The following MED13L variants were observed in gnomAD, a reference collection of about 807,000 sequenced individuals.
The protein encoded by MED13L is mediator complex subunit 13L.
A neutral mutation model predicts 220.9 loss-of-function variants in MED13L; 7 were observed. The ratio of observed to expected loss-of-function variants is 0.03; its 90% CI spans 0.02 to 0.06. The LOEUF (loss-of-function observed/expected upper bound fraction) is 0.06, where lower values mean the gene tolerates loss of function less well. MED13L is among the 10% of genes least tolerant of loss of function. MED13L has a pLI of 1.00. For missense variants in MED13L, 1,965 were observed against 2,760.5 expected, an observed-to-expected ratio of 0.71 and a Z score of 6.46; for synonymous variants, 1,011 against 1,015.2, an observed-to-expected ratio of 1.00 and a Z score of 0.08.
intron 5 of MED13L, 78 bp from the exon 6 acceptor site, chr12:116,020,050 AT>A (rs781209855): frequency 4.6e-6 from 6 of 1,296,238 alleles, no homozygotes; most frequent in Non-Finnish European, 5.5e-6. Context: ...ATATGTGGTA[AT>A]TTTAGGTTAC....
At chr12:116,121,393 A>C (rs1875083588) in intron 2 of MED13L, among the ~76,000 whole-genome samples, 1 of 152,228 alleles carries the variant, frequency 6.6e-6, no homozygotes, top group Non-Finnish European at 1.5e-5. Context: ...AAAAAAAGTC[A>C]ATATGGCAAA....
At chr12:116,120,855 T>C (rs145356748) in intron 2 of MED13L, among the ~76,000 whole-genome samples, 1,984 of 152,258 alleles carry the variant, frequency 0.013, 19 homozygotes, top group Non-Finnish European at 0.019. Flanking sequence ...TAATTATGCA[T>C]AATGGGAGAA....
At chr12:116,207,692 A>G (rs1046869519) in intron 2 of MED13L, among the ~76,000 whole-genome samples, 6 of 152,162 alleles carry the variant, frequency 3.9e-5, no homozygotes, top group Non-Finnish European at 8.8e-5. Context: ...ACAGACAGAT[A>G]TAAGAATGAT....
chr12:116,186,488 A>C (rs1393808933), intron 2 of MED13L, among the ~76,000 whole-genome samples: 1 of 152,190 alleles, frequency 6.6e-6, no homozygotes, highest in African/African-American at 2.4e-5. Context: ...TCCAGGAATA[A>C]TTTATTTAGA....
intron 1 of MED13L, among the ~76,000 whole-genome samples, chr12:116,247,663 T>C (rs1871205659): frequency 6.6e-6 from 1 of 151,924 alleles, no homozygotes; most frequent in Non-Finnish European, 1.5e-5. Flanking sequence ...CTCCATACAA[T>C]GAGGTCATAT....
At chr12:116,149,531 C>A (rs1877864088) in intron 2 of MED13L, among the ~76,000 whole-genome samples, 1 of 152,244 alleles carries the variant, frequency 6.6e-6, no homozygotes, top group Non-Finnish European at 1.5e-5. Context: ...TCAGGCTATG[C>A]CCAAAAAGTC....
Position 116,055,473 on chromosome 12 carries a change from A to T in MED13L, c.480-32872T>A, listed in dbSNP as rs954498557. ...AGGAGTCAAAGCACATTCACAAGAG[A>T]AGTTAGTTCTTTAAATGGTACACAA... is the stretch of plus-strand genomic sequence containing the variant. On this transcript the variant is annotated intron_variant, in intron 4 of 30. Transcript: ENST00000281928. 3.3e-5 allele frequency among the ~76,000 whole-genome samples: 5 copies of T among 152,338 alleles called. No individual in the cohort carries two copies. The East Asian group carries it at 9.6e-4, about 29-fold the overall frequency.
At chr12:116,135,679 T>C (rs943435927) in intron 2 of MED13L, among the ~76,000 whole-genome samples, 8 of 152,158 alleles carry the variant, frequency 5.3e-5, no homozygotes, top group African/African-American at 1.7e-4. Flanking sequence ...TAAGACCTAA[T>C]GCTATCAAGG....
intron 2 of MED13L, among the ~76,000 whole-genome samples, chr12:116,150,634 T>G (rs1161357861): frequency 1.3e-5 from 2 of 152,222 alleles, no homozygotes; most frequent in Non-Finnish European, 2.9e-5. Context: ...TATGTTTCTC[T>G]GACCTCCCAC....
At chr12:116,017,017 T>C (rs977877471) in intron 7 of MED13L, among the ~76,000 whole-genome samples, 1 of 152,220 alleles carries the variant, frequency 6.6e-6, no homozygotes, top group Non-Finnish European at 1.5e-5. Flanking sequence ...GATACAGCAT[T>C]AAGACTCCTA....
intron 2 of MED13L, among the ~76,000 whole-genome samples, chr12:116,170,448 T>A (rs1323811140): frequency 6.6e-6 from 1 of 152,088 alleles, no homozygotes; most frequent in Admixed American, 6.6e-5. Flanking sequence ...TCTTAAGAAG[T>A]AGCTGGTCAA....
At chr12:116,021,259 T>C (rs889876576) in intron 5 of MED13L, among the ~76,000 whole-genome samples, 4 of 152,164 alleles carry the variant, frequency 2.6e-5, no homozygotes, top group African/African-American at 7.2e-5. Flanking sequence ...CCTAATATTA[T>C]TGTTCCCAAC....
intron 2 of MED13L, among the ~76,000 whole-genome samples, chr12:116,204,867 T>C (rs1210337277): frequency 6.6e-6 from 1 of 152,204 alleles, no homozygotes; most frequent in Non-Finnish European, 1.5e-5. Flanking sequence ...ATAAGATGTG[T>C]TCCCTTTCAG....
chr12:116,197,828 A>G (rs1163857135), intron 2 of MED13L, among the ~76,000 whole-genome samples: 2 of 152,116 alleles, frequency 1.3e-5, no homozygotes, highest in African/African-American at 2.4e-5. Context: ...AAAAATCATG[A>G]AAATTAGAAA....
chr12:115,968,053 T>TGCCC (rs1491288278), intron 28 of MED13L, among the ~76,000 whole-genome samples: 5 of 40,606 alleles, frequency 1.2e-4, no homozygotes, highest in Admixed American at 6.6e-4. Flanking sequence ...GGAATAAAAG[T>TGCCC]CCCCCCCCCC....
chr12:115,976,626 T>C (rs1339782079), intron 23 of MED13L, among the ~76,000 whole-genome samples: 2 of 152,254 alleles, frequency 1.3e-5, no homozygotes, highest in Non-Finnish European at 2.9e-5. Flanking sequence ...TGAGTACATA[T>C]ATAGTTTAAT....
At chr12:116,094,209 C>A (rs995735240) in intron 4 of MED13L, among the ~76,000 whole-genome samples, 1 of 152,190 alleles carries the variant, frequency 6.6e-6, no homozygotes, top group Non-Finnish European at 1.5e-5. Context: ...AGTCATCATA[C>A]CTAATAAAGT....
At chr12:116,006,438 A>T (rs2137373657) in intron 11 of MED13L, 27 bp from the exon 12 acceptor site, 1 of 1,561,028 alleles carries the variant, frequency 6.4e-7, no homozygotes, top group East Asian at 2.2e-5. Context: ...GCCAAACAAA[A>T]CACATGAACA....
At chr12:116,098,972 T>C (rs1872840923) in intron 3 of MED13L, among the ~76,000 whole-genome samples, 1 of 152,216 alleles carries the variant, frequency 6.6e-6, no homozygotes, top group African/African-American at 2.4e-5. Context: ...AACTCTAGTG[T>C]TTAATACCAA....
Sources: allele counts gnomAD v4.1 joint callset (sites outside exome capture counted in the v4.1 genomes callset), GRCh38; gene constraint gnomAD v4.1.1; transcripts MANE v1.5; gene names NCBI Gene and HGNC (gene_info 2026-07-23, HGNC 2026-07-21).